The following STK33 variants were observed in gnomAD, a reference collection of about 807,000 sequenced individuals.
The protein encoded by STK33 is serine/threonine-protein kinase 33.
Under a neutral mutation model 58.0 loss-of-function variants are expected in STK33, and 52 were observed. That is an observed-to-expected ratio of 0.90 (90% CI 0.72 to 1.13). The LOEUF is 1.13. Among genes scored for constraint, STK33 ranks in the 50% most tolerant of loss-of-function variants. STK33 has a pLI of 0.00. For missense variants in STK33, 630 were observed against 604.2 expected, an observed-to-expected ratio of 1.04 and a Z score of -0.45; for synonymous variants, 215 against 200.1, an observed-to-expected ratio of 1.07 and a Z score of -0.63.
intron 1 of STK33, among the ~76,000 whole-genome samples, chr11:8,490,534 C>T (rs1222443840): frequency 6.6e-6 from 1 of 152,182 alleles, no homozygotes; most frequent in Non-Finnish European, 1.5e-5. Flanking sequence ...CAGACTTAAA[C>T]GTCCCCGTCT....
chr11:8,446,573 C>T (rs529223331), intron 11 of STK33, among the ~76,000 whole-genome samples: 70 of 152,246 alleles, frequency 4.6e-4, no homozygotes, highest in Admixed American at 2.7e-3. Context: ...AACTATACTA[C>T]AAGGCTACAG....
chr11:8,414,735 A>G (rs573544274), intron 14 of STK33, among the ~76,000 whole-genome samples: 2 of 152,132 alleles, frequency 1.3e-5, no homozygotes, highest in Non-Finnish European at 2.9e-5. Flanking sequence ...CCCTTGTTTT[A>G]AGAAGCTCAG....
chr11:8,500,539 C>T (rs554823516), intron 1 of STK33, among the ~76,000 whole-genome samples: 1 of 152,212 alleles, frequency 6.6e-6, no homozygotes, highest in African/African-American at 2.4e-5. Context: ...AACTATAAAA[C>T]TTCATTGAAA....
intron 15 of STK33, among the ~76,000 whole-genome samples, chr11:8,402,650 T>C (rs1033157385): frequency 3.9e-5 from 6 of 152,136 alleles, no homozygotes; most frequent in African/African-American, 1.4e-4. Context: ...CCCTCAAATA[T>C]CTTTCATTGA....
the STK33 span, among the ~76,000 whole-genome samples, chr11:8,342,015 C>A: frequency 6.6e-5 from 10 of 152,260 alleles, no homozygotes; most frequent in Non-Finnish European, 1.3e-4. Context: ...ATGCTTAAGA[C>A]CTGATGGCTC....
chr11:8,472,623 T>C (rs1948886162), intron 6 of STK33, among the ~76,000 whole-genome samples: 1 of 152,242 alleles, frequency 6.6e-6, no homozygotes, highest in Admixed American at 6.5e-5. Context: ...TTCTTCTTGT[T>C]GTGGTTGTTC....
chr11:8,351,582 T>G, the STK33 span, among the ~76,000 whole-genome samples: 3 of 152,132 alleles, frequency 2.0e-5, no homozygotes, highest in African/African-American at 7.2e-5. Context: ...CACCATAATT[T>G]CTAAAGCACA....
At chr11:8,357,609 C>T in the STK33 span, among the ~76,000 whole-genome samples, 6 of 152,296 alleles carry the variant, frequency 3.9e-5, no homozygotes, top group East Asian at 3.9e-4. Flanking sequence ...CTCGGAACCG[C>T]GGGAGGGGCA....
At chr11:8,455,836 A>AC (rs1946796246) in intron 9 of STK33, among the ~76,000 whole-genome samples, 1 of 150,334 alleles carries the variant, frequency 6.7e-6, no homozygotes, top group Non-Finnish European at 1.5e-5. Context: ...AAAAAAAAAA[A>AC]GTTACACACA....
intron 14 of STK33, among the ~76,000 whole-genome samples, chr11:8,435,285 C>T (rs1178023600): frequency 6.6e-6 from 1 of 152,138 alleles, no homozygotes; most frequent in East Asian, 1.9e-4. Flanking sequence ...ATTTAAACCT[C>T]TATAAATATA....
chr11:8,583,687 C>T (rs117645985), intron 1 of STK33, among the ~76,000 whole-genome samples: 2,121 of 152,118 alleles, frequency 0.014, 26 homozygotes, highest in Non-Finnish European at 0.02. Context: ...TTACAATAAG[C>T]ATAGTTATAT....
chr11:8,587,154 T>C (rs551913391), intron 1 of STK33, among the ~76,000 whole-genome samples: 1 of 152,294 alleles, frequency 6.6e-6, no homozygotes, highest in South Asian at 2.1e-4. Context: ...TTCAGCAAAG[T>C]ATTATTTATG....
chr11:8,400,304 G>T (rs1009806122), intron 15 of STK33, among the ~76,000 whole-genome samples: 2 of 152,186 alleles, frequency 1.3e-5, no homozygotes, highest in Non-Finnish European at 2.9e-5. Flanking sequence ...GGGATGCAAG[G>T]CTGGTTCAAC....
the STK33 span, among the ~76,000 whole-genome samples, chr11:8,344,230 C>CACACACACACACACA: frequency 2.5e-4 from 37 of 147,460 alleles, no homozygotes; most frequent in South Asian, 4.2e-4. Context: ...CACACACACA[C>CACACACACACACACA]CCCAGTTAGC....
chr11:8,427,511 T>C (rs1411382552), intron 14 of STK33, among the ~76,000 whole-genome samples: 1 of 152,154 alleles, frequency 6.6e-6, no homozygotes, highest in Non-Finnish European at 1.5e-5. Context: ...TTCTGATGAA[T>C]TTATCCCCAT....
chr11:8,392,765 C>T, intron 15 of STK33, 55 bp from the exon 16 acceptor site: 1 of 1,577,038 alleles, frequency 6.3e-7, no homozygotes, highest in Non-Finnish European at 8.7e-7. Flanking sequence ...CACATCAATT[C>T]AAAGATGCAA....
chr11:8,350,599 G>C, the STK33 span, among the ~76,000 whole-genome samples: 1 of 152,176 alleles, frequency 6.6e-6, no homozygotes, highest in Non-Finnish European at 1.5e-5. Context: ...GCACTAGAAG[G>C]CTCTGAAAAT....
intron 1 of STK33, among the ~76,000 whole-genome samples, chr11:8,510,853 T>G (rs1952257351): frequency 6.6e-6 from 1 of 152,178 alleles, no homozygotes; most frequent in African/African-American, 2.4e-5. Context: ...TTCTGTTCCA[T>G]CGGTCTACAT....
At chr11:8,494,272 G>A (rs1158852826) in intron 1 of STK33, among the ~76,000 whole-genome samples, 1 of 152,102 alleles carries the variant, frequency 6.6e-6, no homozygotes, top group African/African-American at 2.4e-5. Context: ...AAATCAATGT[G>A]CAAAAATCAC....
Sources: allele counts gnomAD v4.1 joint callset (sites outside exome capture counted in the v4.1 genomes callset), GRCh38; gene constraint gnomAD v4.1.1; transcripts MANE v1.5; gene names NCBI Gene and HGNC (gene_info 2026-07-23, HGNC 2026-07-21).